HCN1: variants seen among roughly 807,000 people sequenced by gnomAD.
HCN1 encodes the protein hyperpolarization activated cyclic nucleotide gated potassium channel 1.
In HCN1, 13 loss-of-function variants were observed where a neutral mutation model predicts 78.9. That is an observed-to-expected ratio of 0.16 (90% confidence interval 0.11 to 0.26). The LOEUF (loss-of-function observed/expected upper bound fraction) is 0.26, where lower values mean the gene tolerates loss of function less well. HCN1 is among the 10% of genes least tolerant of loss of function. The pLI, the probability that HCN1 is intolerant of heterozygous loss-of-function variation, is 1.00. For synonymous variants in HCN1, 552 were observed against 455.5 expected, an observed-to-expected ratio of 1.21 and a Z score of -2.70; for missense variants, 810 against 1,154.3, an observed-to-expected ratio of 0.70 and a Z score of 4.32.
chr5:45,394,974 A>G (rs879154491), intron 4 of HCN1, among the ~76,000 whole-genome samples: 2 of 152,210 alleles, frequency 1.3e-5, no homozygotes, highest in Admixed American at 1.3e-4. Context: ...ACATCTTTGC[A>G]TACAAATATC....
chr5:45,492,392 AATATATATATATAT>A lies in HCN1; in HGVS notation c.850-30399_850-30386del, dbSNP rs35781186. Among the ~76,000 whole-genome samples the A allele has an allele frequency of 3.6e-4, 44 of 121,374 alleles. 1 individual carries two copies. The highest frequency in any genetic ancestry group is 1.3e-3 in the African/African-American group (41 of 30,902). 79.6% of individuals were successfully genotyped at this position (121,374 alleles called of 152,430 possible). A position where few individuals can be genotyped will look rare whatever the true frequency, so the allele number is the denominator to read the frequency against. On this transcript the variant is annotated intron_variant, in intron 2 of 7. Coordinates refer to ENST00000303230, the MANE Select transcript of HCN1 (RefSeq NM_021072.4). The stretch of plus-strand genomic sequence containing the variant: ...AGAGGATCTTAGACTTCTTTAAATG[AATATATATATATAT>A]ATATATATATATATATAAAATTTGA...
chr5:45,478,396 T>G (rs1406308108), intron 2 of HCN1, among the ~76,000 whole-genome samples: 1 of 152,196 alleles, frequency 6.6e-6, no homozygotes, highest in African/African-American at 2.4e-5. Context: ...ATGCTAAACT[T>G]TATGACCACA....
rs1392623215 is a variant in HCN1, at chr5:45,259,954, C to A, written c.*1967G>T. ...CCCTTTCTTACAACAGTATTCCTGA[C>A]ATGCCATCATATGTCACCAGCATAT... On this transcript the variant is annotated 3_prime_UTR_variant, in exon 8 of 8. Coordinates refer to ENST00000303230, the MANE Select transcript of HCN1 (RefSeq NM_021072.4). 1 of 152,608 alleles carries A rather than the reference C, an allele frequency of 6.6e-6. No homozygotes were observed. The highest frequency in any genetic ancestry group is 2.4e-5 in the African/African-American group (1 of 41,450). The allele number at this position is 152,608 out of a possible 1,614,324, so 9.5% of individuals were successfully genotyped here.
At position 45,644,851 on chromosome 5, in the gene HCN1, T is replaced by C. The variant is rs548317704; in HGVS notation, c.849+334A>G. 2.1e-5 allele frequency: 7 copies of C among 326,512 alleles called. No homozygotes were observed. The East Asian group carries it at 3.9e-4, about 18-fold the overall frequency. 20.2% of individuals were successfully genotyped at this position (326,512 alleles called of 1,614,324 possible). A position where few individuals can be genotyped will look rare whatever the true frequency, so the allele number is the denominator to read the frequency against. ...CTACACATCTTTATCAAAATAATGG[T>C]ACTTGATGTATTTATATTAGATTAA... On this transcript the variant is annotated intron_variant, in intron 2 of 7. Transcript: ENST00000303230.
intron 5 of HCN1, among the ~76,000 whole-genome samples, chr5:45,352,382 G>C (rs1002830165): frequency 3.3e-5 from 5 of 151,794 alleles, no homozygotes. Flanking sequence ...TTGTGCAGTG[G>C]GGGGAGGGGG....
intron 1 of HCN1, among the ~76,000 whole-genome samples, chr5:45,677,466 A>G (rs1739590628): frequency 6.6e-6 from 1 of 151,848 alleles, no homozygotes; most frequent in Non-Finnish European, 1.5e-5. Context: ...TCCAAAGAGA[A>G]AAGAAACAGA....
At chr5:45,562,294 G>GT (rs1743620731) in intron 2 of HCN1, among the ~76,000 whole-genome samples, 5 of 152,198 alleles carry the variant, frequency 3.3e-5, no homozygotes, top group Admixed American at 3.3e-4. Flanking sequence ...ACCAAAGTGT[G>GT]TTTTCCTAAC....
intron 6 of HCN1, among the ~76,000 whole-genome samples, chr5:45,282,905 G>A (rs1375194199): frequency 1.3e-5 from 2 of 152,078 alleles, no homozygotes; most frequent in African/African-American, 4.8e-5. Context: ...TAGTTGAGTT[G>A]ACATGTTTGT....
intron 2 of HCN1, among the ~76,000 whole-genome samples, chr5:45,615,205 T>G (rs1744918819): frequency 6.6e-6 from 1 of 152,054 alleles, no homozygotes; most frequent in African/African-American, 2.4e-5. Context: ...ATTAATTGTT[T>G]AACAGAAATC....
At chr5:45,400,715 C>A (rs1251565745) in intron 3 of HCN1, among the ~76,000 whole-genome samples, 1 of 152,042 alleles carries the variant, frequency 6.6e-6, no homozygotes, top group Non-Finnish European at 1.5e-5. Context: ...CCTAAGAATG[C>A]TTTCTTATTT....
intron 1 of HCN1, among the ~76,000 whole-genome samples, chr5:45,664,650 A>T (rs1420230346): frequency 6.6e-6 from 1 of 151,902 alleles, no homozygotes; most frequent in East Asian, 1.9e-4. Context: ...ACATGAACAG[A>T]CACTTCTCAA....
At chr5:45,635,134 T>G (rs538867370) in intron 2 of HCN1, among the ~76,000 whole-genome samples, 14 of 152,228 alleles carry the variant, frequency 9.2e-5, no homozygotes, top group African/African-American at 3.1e-4. Flanking sequence ...AAAGAATCAG[T>G]GAATTAACTT....
intron 3 of HCN1, among the ~76,000 whole-genome samples, chr5:45,429,720 G>T (rs986589016): frequency 6.6e-6 from 1 of 152,132 alleles, no homozygotes; most frequent in Non-Finnish European, 1.5e-5. Flanking sequence ...AAGAGTGAGT[G>T]GCTGTGGTAG....
chr5:45,493,894 T>C (rs1291424890), intron 2 of HCN1, among the ~76,000 whole-genome samples: 3 of 151,934 alleles, frequency 2.0e-5, no homozygotes, highest in African/African-American at 7.3e-5. Context: ...AATGATGATT[T>C]CCAATTTCAT....
chr5:45,397,982 A>G (rs2112042041), intron 3 of HCN1, among the ~76,000 whole-genome samples: 1 of 151,690 alleles, frequency 6.6e-6, no homozygotes, highest in African/African-American at 2.4e-5. Context: ...TTAAATTTTA[A>G]ATTTTACATA....
At chr5:45,550,562 G>A (rs921009880) in intron 2 of HCN1, among the ~76,000 whole-genome samples, 1 of 151,976 alleles carries the variant, frequency 6.6e-6, no homozygotes, top group Non-Finnish European at 1.5e-5. Context: ...GAGTTAATGG[G>A]TGCAGCATAC....
Position 45,529,619 on chromosome 5 carries a change from G to C in HCN1, c.850-67612C>G, listed in dbSNP as rs117175153. ...GTCATTTTGATCAAATCCAAATGGTGTCTTTGGCGGAATACCAAATTAAAA... is the reference window on the plus strand; with the variant it reads ...GTCATTTTGATCAAATCCAAATGGTCTCTTTGGCGGAATACCAAATTAAAA... On this transcript the variant is annotated intron_variant, in intron 2 of 7. Transcript: ENST00000303230. 6.0e-4 allele frequency among the ~76,000 whole-genome samples: 92 copies of C among 152,082 alleles called. No individual in the cohort carries two copies. The East Asian group carries it at 0.017, about 28-fold the overall frequency.
intron 5 of HCN1, among the ~76,000 whole-genome samples, chr5:45,312,700 C>A (rs993273924): frequency 6.6e-6 from 1 of 152,198 alleles, no homozygotes; most frequent in Non-Finnish European, 1.5e-5. Context: ...TCTTAGCAAA[C>A]GGCACACCAG....
chr5:45,317,944 G>A (rs1277985130), intron 5 of HCN1, among the ~76,000 whole-genome samples: 1 of 152,090 alleles, frequency 6.6e-6, no homozygotes, highest in Non-Finnish European at 1.5e-5. Context: ...TGGAGAAATA[G>A]GAACACTTTT....
Sources: allele counts gnomAD v4.1 joint callset (sites outside exome capture counted in the v4.1 genomes callset), GRCh38; gene constraint gnomAD v4.1.1; transcripts MANE v1.5; gene names NCBI Gene and HGNC (gene_info 2026-07-23, HGNC 2026-07-21).